Variants in CNTNAP3B observed in about 807,000 individuals in gnomAD.
CNTNAP3B encodes contactin-associated protein-like 3B.
Under a neutral mutation model 108.9 loss-of-function variants are expected in CNTNAP3B, and 25 were observed. That is an observed-to-expected ratio of 0.23 (90% CI 0.17 to 0.32). The LOEUF (loss-of-function observed/expected upper bound fraction) is 0.32. CNTNAP3B is among the 10% of genes least tolerant of loss of function. The pLI is 1.00. For synonymous variants in CNTNAP3B, 103 were observed against 473.4 expected (o/e 0.22, Z 10.16); for missense variants, 252 against 1,210.4 (o/e 0.21, Z 11.75).
chr9:42,116,453 C>CT lies in CNTNAP3B; in HGVS notation c.86-11715dup, dbSNP rs1441940380. 1.5e-5 allele frequency among the ~76,000 whole-genome samples: 2 copies of CT among 130,152 alleles called. 1 individual carries two copies. Among genetic ancestry groups the CT allele is most frequent in the Non-Finnish European group, 3.2e-5 (2 of 62,370 alleles). The allele number at this position is 130,152 out of a possible 152,430, so 85.4% of individuals were successfully genotyped here. A position where few individuals can be genotyped will look rare whatever the true frequency, so the allele number is the denominator to read the frequency against. On this transcript the variant is annotated intron_variant, in intron 1 of 23. Coordinates refer to ENST00000377561, the MANE Select transcript of CNTNAP3B (RefSeq NM_001201380.3). ...TCATAACTGAAGGAGAAATAAAATC[C>CT]TTTACAGACAAGCAAATGCTGAGAG...
At chr9:42,096,945 GT>G (rs1180408081) in intron 2 of CNTNAP3B, among the ~76,000 whole-genome samples, 1 of 129,148 alleles carries the variant, frequency 7.7e-6, no homozygotes, top group Non-Finnish European at 1.6e-5. Flanking sequence ...TAGAGACAGG[GT>G]TTTGATGTTG....
In CNTNAP3B at chr9:42,124,849, C is replaced by T. The variant is rs1207530544; in HGVS notation, c.85+4161G>A. ...TGATTTAGAGACATATATAAATGAA[C>T]TGTTATTTCTCATAATTGTTTTTTT... On this transcript the variant is annotated intron_variant, in intron 1 of 23. Coordinates refer to ENST00000377561, the MANE Select transcript of CNTNAP3B (RefSeq NM_001201380.3). 2.2e-5 allele frequency among the ~76,000 whole-genome samples: 3 copies of T among 136,616 alleles called. 1 individual carries two copies. The highest frequency in any genetic ancestry group is 2.2e-4 in the Admixed American group (3 of 13,676). The allele number at this position is 136,616 out of a possible 152,430, so 89.6% of individuals were successfully genotyped here. A position where few individuals can be genotyped will look rare whatever the true frequency, so the allele number is the denominator to read the frequency against.
rs192848105 is a variant in CNTNAP3B at position 41,953,170 on chromosome 9, C to G, written c.2080+13G>C. The G allele has an allele frequency of 5.2e-3, 7,889 of 1,514,806 alleles. 111 individuals are homozygous for G. In the African/African-American group the frequency reaches 0.099, roughly 19 times the overall value. The allele number at this position is 1,514,806 out of a possible 1,614,324, so 93.8% of individuals were successfully genotyped here. A position where few individuals can be genotyped will look rare whatever the true frequency, so the allele number is the denominator to read the frequency against. On this transcript the variant is annotated intron_variant, in intron 13 of 23. Transcript: ENST00000377561. Reference sequence around the variant, plus strand: ...CCTCGTGAGCCCCTGTAGCCTCCAGCAGTGGCGCTTACCTCGTGAGTCCGG... The same window carrying G: ...CCTCGTGAGCCCCTGTAGCCTCCAGGAGTGGCGCTTACCTCGTGAGTCCGG...
At position 41,967,250 on chromosome 9, in the gene CNTNAP3B, T is replaced by C. The variant is rs374345966; in HGVS notation, c.1650-2606A>G. ...CCACTGTGTCATGGGAGGGAACCTG[T>C]GGGAGGTAACTGAATCATGCAGGCA... On this transcript the variant is annotated intron_variant, in intron 10 of 23. Coordinates refer to ENST00000377561, the MANE Select transcript of CNTNAP3B (RefSeq NM_001201380.3). 3.9e-5 allele frequency among the ~76,000 whole-genome samples: 6 copies of C among 152,276 alleles called. No individual in the cohort carries two copies. In the South Asian group the frequency reaches 8.3e-4, roughly 21 times the overall value.
At chr9:42,051,913 C>T (rs938235581) in intron 3 of CNTNAP3B, among the ~76,000 whole-genome samples, 3 of 152,232 alleles carry the variant, frequency 2.0e-5, no homozygotes, top group Admixed American at 6.5e-5. Flanking sequence ...GAGTGTAGCA[C>T]AATAGCTCCC....
At chr9:41,934,130 C>CATATATATATATATATATATATACACAT (rs1253743490) in intron 14 of CNTNAP3B, among the ~76,000 whole-genome samples, 2 of 116,476 alleles carry the variant, frequency 1.7e-5, no homozygotes, top group African/African-American at 6.7e-5. Flanking sequence ...TATACACACA[C>CATATATATATATATATATATATACACAT]ATATATATAT....
intron 14 of CNTNAP3B, 117 bp from the exon 15 acceptor site, chr9:41,929,561 C>G: frequency 4.5e-6 from 6 of 1,334,250 alleles, no homozygotes; most frequent in Non-Finnish European, 6.0e-6. Flanking sequence ...GAATACTTAA[C>G]ATTTTCAATA....
At chr9:42,001,414 A>C (rs1410625656) in intron 4 of CNTNAP3B, among the ~76,000 whole-genome samples, 1 of 134,918 alleles carries the variant, frequency 7.4e-6, no homozygotes, top group Non-Finnish European at 1.6e-5. Flanking sequence ...ACCCCATTTC[A>C]AGAAAAAAAC....
chr9:42,056,342 T>TTATTATTAC (rs1827069400), intron 3 of CNTNAP3B, among the ~76,000 whole-genome samples: 2 of 138,552 alleles, frequency 1.4e-5, no homozygotes, highest in Admixed American at 1.5e-4. Flanking sequence ...ATTATTATTA[T>TTATTATTAC]TATTATTATT....
chr9:42,095,248 C>T lies in CNTNAP3B; in HGVS notation c.196+9381G>A, dbSNP rs1406514966. Among the ~76,000 whole-genome samples the T allele has an allele frequency of 5.1e-5, 7 of 137,504 alleles. 2 individuals carry two copies. The highest frequency in any genetic ancestry group is 1.1e-4 in the Non-Finnish European group (7 of 64,676). The allele number at this position is 137,504 out of a possible 152,430, so 90.2% of individuals were successfully genotyped here. A position where few individuals can be genotyped will look rare whatever the true frequency, so the allele number is the denominator to read the frequency against. The stretch of plus-strand genomic sequence containing the variant: ...CTGTGAGCACTGTCTTTAAATTCCA[C>T]ATGTAAGTGAGACTATATGGTATTT... On this transcript the variant is annotated intron_variant, in intron 2 of 23. Coordinates refer to ENST00000377561, the MANE Select transcript of CNTNAP3B (RefSeq NM_001201380.3).
At chr9:41,995,834 G>T (rs1216386535) in intron 7 of CNTNAP3B, among the ~76,000 whole-genome samples, 1 of 138,860 alleles carries the variant, frequency 7.2e-6, no homozygotes, top group East Asian at 2.2e-4. Context: ...TCAGGAATTC[G>T]AGACTAGCCT....
At chr9:42,116,823 A>C (rs1161995591) in intron 1 of CNTNAP3B, among the ~76,000 whole-genome samples, 2 of 137,858 alleles carry the variant, frequency 1.5e-5, no homozygotes, top group African/African-American at 2.9e-5. Context: ...AAAGGTATGG[A>C]GGAAGGTCTG....
At chr9:41,924,428 C>G (rs1254313179) in intron 15 of CNTNAP3B, among the ~76,000 whole-genome samples, 4 of 152,296 alleles carry the variant, frequency 2.6e-5, no homozygotes, top group African/African-American at 9.6e-5. Flanking sequence ...CTGAAGAACT[C>G]GGTAAGATGT....
At chr9:41,933,816 T>C (rs1161027816) in intron 14 of CNTNAP3B, among the ~76,000 whole-genome samples, 132 of 152,342 alleles carry the variant, frequency 8.7e-4, no homozygotes, top group African/African-American at 3.0e-3. Context: ...AAGTTATATA[T>C]TCATTATTGA....
Position 42,113,987 on chromosome 9 carries a change from C to T in CNTNAP3B, c.86-9248G>A, listed in dbSNP as rs1032689169. On this transcript the variant is annotated intron_variant, in intron 1 of 23. Transcript: ENST00000377561. ...AATAATAATAATTCTTTCTATGCAC[C>T]TCTGAGAGTTGACAGAATTAGGGTC... 9.3e-5 allele frequency among the ~76,000 whole-genome samples: 12 copies of T among 128,792 alleles called. 2 individuals carry two copies. The highest frequency in any genetic ancestry group is 3.2e-4 in the African/African-American group (10 of 31,238). The allele number at this position is 128,792 out of a possible 152,430, so 84.5% of individuals were successfully genotyped here. A position where few individuals can be genotyped will look rare whatever the true frequency, so the allele number is the denominator to read the frequency against.
intron 15 of CNTNAP3B, among the ~76,000 whole-genome samples, chr9:41,925,137 G>T (rs1256791618): frequency 6.6e-6 from 1 of 151,160 alleles, no homozygotes; most frequent in South Asian, 2.1e-4. Context: ...ACACTTTAAG[G>T]TTACAGAAAC....
At chr9:41,962,540 T>A (rs1317284676) in intron 11 of CNTNAP3B, among the ~76,000 whole-genome samples, 1 of 146,276 alleles carries the variant, frequency 6.8e-6, no homozygotes, top group Non-Finnish European at 1.5e-5. Context: ...TGCTTTTAGG[T>A]AAGATACTAT....
At chr9:41,958,859 AT>A (rs1158507370) in intron 12 of CNTNAP3B, among the ~76,000 whole-genome samples, 2 of 142,198 alleles carry the variant, frequency 1.4e-5, no homozygotes, top group African/African-American at 5.5e-5. Flanking sequence ...GCATGAGGAG[AT>A]TTTTCTCCAA....
At chr9:42,115,833 C>T (rs1828302701) in intron 1 of CNTNAP3B, among the ~76,000 whole-genome samples, 2 of 121,254 alleles carry the variant, frequency 1.6e-5, no homozygotes, top group Admixed American at 1.7e-4. Context: ...CACAACGCCT[C>T]GCCAGCAACG....
Sources: gnomAD v4.1 joint callset for allele counts (sites outside exome capture counted in the v4.1 genomes callset) on GRCh38, gnomAD v4.1.1 for gene constraint, MANE v1.5 for transcripts, NCBI Gene and HGNC (gene_info 2026-07-23, HGNC 2026-07-21) for gene names.